ACOX1: variants seen among roughly 807,000 people sequenced by gnomAD.
ACOX1 encodes the protein peroxisomal acyl-coenzyme A oxidase 1.
ACOX1 carries 41 observed loss-of-function variants against 75.5 expected under a neutral mutation model. The ratio of observed to expected loss-of-function variants is 0.54; its 90% CI spans 0.42 to 0.70. ACOX1 has a LOEUF of 0.70. Among genes scored for constraint, ACOX1 ranks in the 30% least tolerant of loss-of-function variants. The pLI is 0.00. For synonymous variants in ACOX1, 303 were observed against 298.8 expected, an observed-to-expected ratio of 1.01 and a Z score of -0.15; for missense variants, 630 against 837.5, an observed-to-expected ratio of 0.75 and a Z score of 3.06.
At position 75,953,508 on chromosome 17, in the gene ACOX1, G is replaced by A. The variant is rs148407756; in HGVS notation, c.887C>T (p.Ala296Val). Residue 296 changes from alanine (A) to valine (V), a missense_variant, in exon 7 of 14, where the codon GCG becomes GTG. Transcript: ENST00000293217. Reference protein sequence around the residue: ...VGEAARALSKACTIAIRYSAV... With the variant: ...VGEAARALSKVCTIAIRYSAV... ...GCTGTATCGGATGGCAATGGTGCAC[G>A]CCTTAGACAGAGCCCGAGCAGCTTC... The A allele has an allele frequency of 3.4e-5, 55 of 1,614,018 alleles. No individual in the cohort carries two copies. The highest frequency in any genetic ancestry group is 4.1e-5 in the Non-Finnish European group (48 of 1,180,012).
chr17:75,950,932 G>A lies in ACOX1; in HGVS notation c.1140C>T (p.Phe380=). ...LHALTAGLKA[F]TSWTANTGIE... ...TGCCAGTGTTTGCAGTCCAGGAGGTGAAAGCCTTCAGTCCAGCGGTGAGGG... is the reference window on the plus strand; with the variant it reads ...TGCCAGTGTTTGCAGTCCAGGAGGTAAAAGCCTTCAGTCCAGCGGTGAGGG... The change falls in exon 9 of 14, where the codon TTC becomes TTT. Residue 380 remains phenylalanine (F), a synonymous_variant. Coordinates refer to ENST00000293217, the MANE Select transcript of ACOX1 (RefSeq NM_004035.7). This position sits in a 1 kb window ranked among gnomAD's most constrained non-coding sequence, Gnocchi z 4.3. 1 of 1,614,174 alleles carries A rather than the reference G, an allele frequency of 6.2e-7. No homozygotes were observed. The highest frequency in any genetic ancestry group is 8.5e-7 in the Non-Finnish European group (1 of 1,180,026).
rs912477172 is a variant in ACOX1 at position 75,946,191 on chromosome 17, CA to C, written c.*556del. ...TAGTTTGATAAATGCAATCCATCAG[CA>C]AAGGAGAGCAAGCAGGCAGAGACTG... On this transcript the variant is annotated 3_prime_UTR_variant, in exon 14 of 14. Transcript: ENST00000293217. 22 of 165,324 alleles carry C rather than the reference CA, an allele frequency of 1.3e-4. No individual in the cohort carries two copies. Among genetic ancestry groups the C allele is most frequent in the African/African-American group, 5.3e-4 (22 of 41,608 alleles). The allele number at this position is 165,324 out of a possible 1,614,324, so 10.2% of individuals were successfully genotyped here.
At chr17:75,977,138 C>T (rs2066058741) in intron 2 of ACOX1, among the ~76,000 whole-genome samples, 1 of 150,974 alleles carries the variant, frequency 6.6e-6, no homozygotes, top group African/African-American at 2.4e-5. Context: ...GCTGGGACCC[C>T]AGAAGCGCAC....
chr17:75,955,307 C>T (rs1025846209), intron 6 of ACOX1, among the ~76,000 whole-genome samples: 3 of 152,082 alleles, frequency 2.0e-5, no homozygotes, highest in Non-Finnish European at 4.4e-5. Context: ...GGACTACACA[C>T]GTGTGCCACC....
rs140742568 is a variant in ACOX1, at chr17:75,966,195, G to A, written c.270-5820C>T. ...AAATAAAGGCCAGGTGCGGTGGCTC[G>A]TGCCTGTAATCCCAGCACTTTGGGA... is the stretch of plus-strand genomic sequence containing the variant. On this transcript the variant is annotated intron_variant, in intron 2 of 13. Transcript: ENST00000293217. Among the ~76,000 whole-genome samples the A allele has an allele frequency of 8.4e-3, 1,270 of 150,894 alleles. 6 individuals carry two copies. The highest frequency in any genetic ancestry group is 0.014 in the Non-Finnish European group (945 of 67,738).
rs950324985 is a variant in ACOX1 at position 75,978,792 on chromosome 17, TG to T, written c.110-100del. The T allele has an allele frequency of 1.4e-5, 22 of 1,607,112 alleles. No homozygotes were observed. Among genetic ancestry groups the T allele is most frequent in the Admixed American group, 5.0e-5 (3 of 59,742 alleles). On this transcript the variant is annotated intron_variant, in intron 1 of 13. Coordinates refer to ENST00000293217, the MANE Select transcript of ACOX1 (RefSeq NM_004035.7). The surrounding 1 kb of genome is among the most constrained non-coding windows in gnomAD (Gnocchi z 4.2). ...TAGGCTTCAGAGTCGCGGACACACCTGGGGAATGGCGATATCCCCCCACCAG... is the reference window on the plus strand; with the variant it reads ...TAGGCTTCAGAGTCGCGGACACACCTGGGAATGGCGATATCCCCCCACCAG...
At chr17:75,974,318 AG>A (rs2066024229) in intron 2 of ACOX1, among the ~76,000 whole-genome samples, 1 of 152,218 alleles carries the variant, frequency 6.6e-6, no homozygotes, top group Non-Finnish European at 1.5e-5. Context: ...TACATATTCC[AG>A]GGCAGAATCA....
At chr17:75,947,711 CT>C (rs34884157) in intron 13 of ACOX1, among the ~76,000 whole-genome samples, 5,362 of 134,734 alleles carry the variant, frequency 0.04, 248 homozygotes, top group African/African-American at 0.12. Flanking sequence ...TGTGTGTATA[CT>C]TTTTTTTTTT....
rs2065878682 is a variant in ACOX1, at chr17:75,960,698, G to C, written c.270-323C>G. Among the ~76,000 whole-genome samples, 2 of 152,178 alleles carry C rather than the reference G, an allele frequency of 1.3e-5. No homozygotes were observed. Among genetic ancestry groups the C allele is most frequent in the Admixed American group, 1.3e-4 (2 of 15,260 alleles). Reference sequence around the variant, plus strand: ...AAAGGAAATAAAGAAAATTTGAGAGGCCAGTGCAGTGGATCATGCCTACAA... The same window carrying C: ...AAAGGAAATAAAGAAAATTTGAGAGCCCAGTGCAGTGGATCATGCCTACAA... On this transcript the variant is annotated intron_variant, in intron 2 of 13. Transcript: ENST00000293217. The surrounding 1 kb of genome is among the most constrained non-coding windows in gnomAD (Gnocchi z 4.4).
At chr17:75,977,898 T>C (rs2066069739) in intron 2 of ACOX1, among the ~76,000 whole-genome samples, 1 of 152,166 alleles carries the variant, frequency 6.6e-6, no homozygotes, top group Non-Finnish European at 1.5e-5. Context: ...GCAAAATGAT[T>C]CTGCATTTAA....
At chr17:75,966,967 G>A (rs1457043554) in intron 2 of ACOX1, among the ~76,000 whole-genome samples, 1 of 150,734 alleles carries the variant, frequency 6.6e-6, no homozygotes, top group East Asian at 1.9e-4. Context: ...ATAATAATGG[G>A]AAAAAGCCAC....
chr17:75,977,011 T>TTC (rs1291020167), intron 2 of ACOX1, among the ~76,000 whole-genome samples: 1 of 145,776 alleles, frequency 6.9e-6, no homozygotes, highest in African/African-American at 2.6e-5. Flanking sequence ...TTTTTTTTTT[T>TTC]TTTTGAGACA....
chr17:75,961,465 C>CAAAAAAAAAAAAA (rs142857967), intron 2 of ACOX1, among the ~76,000 whole-genome samples: 4 of 50,794 alleles, frequency 7.9e-5, no homozygotes, highest in Non-Finnish European at 1.1e-4. Flanking sequence ...ACTAAAAATA[C>CAAAAAAAAAAAAA]AAAAAAAAAA....
rs2065675385 is a variant in ACOX1, at chr17:75,942,083, T to C, written c.*4665A>G. 6.6e-6 allele frequency: 1 copy of C among 152,180 alleles called. No homozygotes were observed. The highest frequency in any genetic ancestry group is 1.5e-5 in the Non-Finnish European group (1 of 68,040). The allele number at this position is 152,180 out of a possible 1,614,324, so 9.4% of individuals were successfully genotyped here. A position where few individuals can be genotyped will look rare whatever the true frequency, so the allele number is the denominator to read the frequency against. ...ATAATGTTCCTTATATGTTTCTGTGTTTACTATCATGAACCATAGGAAGAA... is the reference window on the plus strand; with the variant it reads ...ATAATGTTCCTTATATGTTTCTGTGCTTACTATCATGAACCATAGGAAGAA... On this transcript the variant is annotated 3_prime_UTR_variant, in exon 14 of 14. Transcript: ENST00000293217.
rs1400714318 is a variant in ACOX1 at position 75,950,021 on chromosome 17, C to A, written c.1299-124G>T. 2.9e-6 allele frequency: 3 copies of A among 1,021,370 alleles called. No homozygotes were observed. The highest frequency in any genetic ancestry group is 4.4e-6 in the Non-Finnish European group (3 of 677,178). 63.3% of individuals were successfully genotyped at this position (1,021,370 alleles called of 1,614,324 possible). ...ATGGCCAGATCTCAGCTCACTGCAA[C>A]CTCCTCCTCTTGGGTTCAAATGAAT... On this transcript the variant is annotated intron_variant, in intron 9 of 13. Transcript: ENST00000293217. The surrounding 1 kb of genome is among the most constrained non-coding windows in gnomAD (Gnocchi z 4.3).
At chr17:75,963,312 C>T (rs1035227774) in intron 2 of ACOX1, among the ~76,000 whole-genome samples, 1 of 151,986 alleles carries the variant, frequency 6.6e-6, no homozygotes, top group Non-Finnish European at 1.5e-5. Context: ...GGCACTTGTA[C>T]CCCCTAAACC....
chr17:75,956,457 G>A (rs1278983229), intron 4 of ACOX1, among the ~76,000 whole-genome samples: 7 of 152,086 alleles, frequency 4.6e-5, no homozygotes, highest in African/African-American at 1.7e-4. Context: ...TTGGGAGGCC[G>A]AGGCGGGCAG....
At chr17:75,966,976 A>C (rs966680829) in intron 2 of ACOX1, among the ~76,000 whole-genome samples, 7 of 151,362 alleles carry the variant, frequency 4.6e-5, no homozygotes, top group Non-Finnish European at 1.0e-4. Flanking sequence ...GGAAAAAGCC[A>C]CTAGTTAACA....
intron 8 of ACOX1, 44 bp downstream of exon 8, chr17:75,951,371 C>A: frequency 6.2e-7 from 1 of 1,612,286 alleles, no homozygotes; most frequent in South Asian, 1.1e-5. Context: ...CAGGCAACCA[C>A]GAAACAGAAG....
Sources: gnomAD v4.1 joint callset for allele counts (sites outside exome capture counted in the v4.1 genomes callset) on GRCh38, gnomAD v4.1.1 for gene constraint, Gnocchi (gnomAD v3.1) non-coding constraint, MANE v1.5 for transcripts, NCBI Gene and HGNC (gene_info 2026-07-23, HGNC 2026-07-21) for gene names.